The following RPH3AL variants were observed in gnomAD, a reference collection of about 807,000 sequenced individuals.
The protein encoded by RPH3AL is rab effector Noc2.
A neutral mutation model predicts 43.1 loss-of-function variants in RPH3AL; 38 were observed. The ratio of observed to expected loss-of-function variants is 0.88; its 90% CI spans 0.68 to 1.15. The LOEUF is 1.15. Among genes scored for constraint, RPH3AL ranks in the 50% most tolerant of loss-of-function variants. The pLI is 0.00. For missense variants in RPH3AL, 462 were observed against 423.2 expected, an observed-to-expected ratio of 1.09 and a Z score of -0.81; for synonymous variants, 189 against 176.3, an observed-to-expected ratio of 1.07 and a Z score of -0.57.
intron 2 of RPH3AL, chr17:331,635 C>T (rs916157757): frequency 1.6e-6 from 2 of 1,288,236 alleles, no homozygotes; most frequent in African/African-American, 1.5e-5. Flanking sequence ...TTCTCCAAAC[C>T]TCGTCAGCAT....
chr17:282,179 G>T (rs1297244843), intron 5 of RPH3AL, among the ~76,000 whole-genome samples: 2 of 152,248 alleles, frequency 1.3e-5, no homozygotes, highest in East Asian at 3.8e-4. Context: ...GCCAGGGGAG[G>T]GTCCAGGCAA....
At chr17:240,408 T>C (rs907843033) in intron 7 of RPH3AL, among the ~76,000 whole-genome samples, 1 of 152,152 alleles carries the variant, frequency 6.6e-6, no homozygotes, top group Non-Finnish European at 1.5e-5. Context: ...TTCAGACCAT[T>C]TGCATCAGCT....
intron 6 of RPH3AL, among the ~76,000 whole-genome samples, chr17:249,005 G>A (rs1555541286): frequency 2.0e-5 from 3 of 152,132 alleles, no homozygotes; most frequent in Non-Finnish European, 2.9e-5. Flanking sequence ...GGACTTCTCA[G>A]ATGGGACAGC....
intron 5 of RPH3AL, among the ~76,000 whole-genome samples, chr17:315,215 A>T (rs1370680411): frequency 1.9e-5 from 2 of 105,918 alleles, no homozygotes. Context: ...ATTCACCTGT[A>T]GTCTCTGTGC....
At chr17:288,453 G>A (rs369353140) in intron 5 of RPH3AL, among the ~76,000 whole-genome samples, 3 of 1,940 alleles carry the variant, frequency 1.5e-3, no homozygotes, top group East Asian at 0.056. Context: ...GTCAGACCTC[G>A]CACCCTCTCT....
intron 6 of RPH3AL, among the ~76,000 whole-genome samples, chr17:270,602 C>T (rs2042438905): frequency 6.6e-6 from 1 of 152,048 alleles, no homozygotes; most frequent in African/African-American, 2.4e-5. Context: ...GTAATCCCAG[C>T]ACTTAGGGCA....
Position 333,599 on chromosome 17 carries a change from C to T in RPH3AL, c.-37+160G>A, listed in dbSNP as rs949602917. On this transcript the variant is annotated intron_variant, in intron 2 of 9. Coordinates refer to ENST00000331302, the MANE Select transcript of RPH3AL (RefSeq NM_006987.4). The surrounding 1 kb of genome is among the most constrained non-coding windows in gnomAD (Gnocchi z 4.5). ...AGTATTCTGAATACAATACGTTTTA[C>T]CATCTTCCTGTTTGGGAGCACATGG... The T allele has an allele frequency of 3.6e-5, 9 of 247,060 alleles. No individual in the cohort carries two copies. Among genetic ancestry groups the T allele is most frequent in the Non-Finnish European group, 6.6e-5 (8 of 121,276 alleles). The allele number at this position is 247,060 out of a possible 1,614,324, so 15.3% of individuals were successfully genotyped here.
At chr17:236,391 G>C (rs1486698394) in intron 7 of RPH3AL, among the ~76,000 whole-genome samples, 1 of 152,242 alleles carries the variant, frequency 6.6e-6, no homozygotes, top group Non-Finnish European at 1.5e-5. Context: ...GCTCTGCTCT[G>C]GGTCTGGGAG....
intron 5 of RPH3AL, among the ~76,000 whole-genome samples, chr17:315,485 G>A (rs1598095716): frequency 6.9e-6 from 1 of 145,436 alleles, no homozygotes; most frequent in Non-Finnish European, 1.5e-5. Context: ...CACCTCCATT[G>A]ACCTGTAGTC....
chr17:266,687 A>G (rs1457834252), intron 6 of RPH3AL, among the ~76,000 whole-genome samples: 1 of 152,278 alleles, frequency 6.6e-6, no homozygotes, highest in Admixed American at 6.5e-5. Flanking sequence ...GGCAACTGCC[A>G]GCACAGTAGA....
chr17:290,284 T>A lies in RPH3AL; in HGVS notation c.352-8430A>T, dbSNP rs561561503. On this transcript the variant is annotated intron_variant, in intron 5 of 9. Transcript: ENST00000331302. This position sits in a 1 kb window ranked among gnomAD's most constrained non-coding sequence, Gnocchi z 4.2. ...GGGAGAGCCACACAGCGGGCAAGTG[T>A]CCGAGGAGGTGGGGTGGTGGCCAGG... is the stretch of plus-strand genomic sequence containing the variant. Among the ~76,000 whole-genome samples, 1 of 152,212 alleles carries A rather than the reference T, an allele frequency of 6.6e-6. No individual in the cohort carries two copies. Among genetic ancestry groups the A allele is most frequent in the East Asian group, 1.9e-4 (1 of 5,172 alleles).
chr17:345,300 A>T (rs1449010489), intron 1 of RPH3AL, among the ~76,000 whole-genome samples: 1 of 134,834 alleles, frequency 7.4e-6, no homozygotes, highest in Non-Finnish European at 1.7e-5. Context: ...AAACAAACAG[A>T]ACACCCTAAA....
At chr17:237,311 C>T (rs2041422160) in intron 7 of RPH3AL, among the ~76,000 whole-genome samples, 1 of 152,234 alleles carries the variant, frequency 6.6e-6, no homozygotes, top group South Asian at 2.1e-4. Context: ...TAAAACTCCC[C>T]ACCTGGAACA....
At chr17:214,156 G>A (rs574552798) in intron 9 of RPH3AL, among the ~76,000 whole-genome samples, 1 of 152,360 alleles carries the variant, frequency 6.6e-6, no homozygotes, top group African/African-American at 2.4e-5. Flanking sequence ...TAACCCAGGT[G>A]ATCAACATGG....
At chr17:332,976 A>G (rs1296730860) in intron 2 of RPH3AL, 1 of 1,272,606 alleles carries the variant, frequency 7.9e-7, no homozygotes, top group Non-Finnish European at 1.0e-6. Context: ...TAATTTCCCG[A>G]AAAATTCCTA....
At chr17:310,419 T>C (rs1393762973) in intron 5 of RPH3AL, among the ~76,000 whole-genome samples, 1 of 152,180 alleles carries the variant, frequency 6.6e-6, no homozygotes. Flanking sequence ...CCTGAGGCTC[T>C]GTCCTCCCCA....
intron 7 of RPH3AL, among the ~76,000 whole-genome samples, chr17:228,016 C>T (rs1479456338): frequency 1.3e-5 from 2 of 152,126 alleles, no homozygotes; most frequent in African/African-American, 2.4e-5. Flanking sequence ...GGACAGGGGA[C>T]GGCTGCTCCA....
chr17:342,274 G>A (rs1020559084), intron 1 of RPH3AL, among the ~76,000 whole-genome samples: 2 of 152,198 alleles, frequency 1.3e-5, no homozygotes, highest in Non-Finnish European at 2.9e-5. Context: ...AATGGAGATG[G>A]TGCAGCCACT....
At chr17:224,605 A>C (rs1288533720) in intron 7 of RPH3AL, among the ~76,000 whole-genome samples, 1 of 152,144 alleles carries the variant, frequency 6.6e-6, no homozygotes. Flanking sequence ...ACCAAATTGC[A>C]CATGCAAATG....
Sources: gnomAD v4.1 joint callset for allele counts (sites outside exome capture counted in the v4.1 genomes callset) on GRCh38, gnomAD v4.1.1 for gene constraint, Gnocchi (gnomAD v3.1) non-coding constraint, MANE v1.5 for transcripts, NCBI Gene and HGNC (gene_info 2026-07-23, HGNC 2026-07-21) for gene names.